Variants in TAFA1 observed in about 807,000 individuals in gnomAD.
TAFA1 encodes TAFA chemokine like family member 1.
TAFA1 carries 4 observed loss-of-function variants against 18.5 expected under a neutral mutation model. That is an observed-to-expected ratio of 0.22 (90% confidence interval 0.11 to 0.49). The LOEUF is 0.49. Ranked by LOEUF, TAFA1 falls within the 20% of genes least tolerant of loss-of-function variation. TAFA1 has a pLI of 0.98. For missense variants in TAFA1, 147 were observed against 169.0 expected, an observed-to-expected ratio of 0.87 and a Z score of 0.72; for synonymous variants, 56 against 55.2, an observed-to-expected ratio of 1.01 and a Z score of -0.06.
chr3:68,151,856 C>T (rs921000585), intron 2 of TAFA1, among the ~76,000 whole-genome samples: 14 of 152,174 alleles, frequency 9.2e-5, no homozygotes, highest in Non-Finnish European at 1.9e-4. Context: ...AAAACTTATA[C>T]ATTCTATGTC....
chr3:68,255,610 G>A (rs948718599), intron 2 of TAFA1, among the ~76,000 whole-genome samples: 1 of 152,124 alleles, frequency 6.6e-6, no homozygotes, highest in Admixed American at 6.6e-5. Context: ...AATGGCCACA[G>A]CATAGAGGAT....
chr3:68,127,648 CAGTG>C (rs1030140052), intron 2 of TAFA1, among the ~76,000 whole-genome samples: 4 of 740 alleles, frequency 5.4e-3, no homozygotes, highest in Non-Finnish European at 0.011. Flanking sequence ...ATGCTGATGA[CAGTG>C]GTGGTGGTGG....
chr3:68,159,595 A>C (rs957944069), intron 2 of TAFA1, among the ~76,000 whole-genome samples: 1 of 152,016 alleles, frequency 6.6e-6, no homozygotes, highest in African/African-American at 2.4e-5. Context: ...TGCAAATAAT[A>C]GCCTTTTACT....
At chr3:68,153,342 A>T (rs1482294576) in intron 2 of TAFA1, among the ~76,000 whole-genome samples, 1 of 152,210 alleles carries the variant, frequency 6.6e-6, no homozygotes, top group African/African-American at 2.4e-5. Flanking sequence ...TGTTTATGAC[A>T]GGTCACAGGA....
chr3:68,074,524 GAAAA>G (rs2064800447), intron 2 of TAFA1, among the ~76,000 whole-genome samples: 1 of 151,896 alleles, frequency 6.6e-6, no homozygotes, highest in Admixed American at 6.6e-5. Context: ...TAAAAAGAAG[GAAAA>G]CAAAAATGCC....
intron 2 of TAFA1, among the ~76,000 whole-genome samples, chr3:68,370,480 A>G (rs1265908080): frequency 0.024 from 801 of 32,704 alleles, 16 homozygotes; most frequent in African/African-American, 0.037. Flanking sequence ...GTGTATATAT[A>G]TATATATATA....
At chr3:68,012,015 C>G (rs2106779366) in intron 2 of TAFA1, among the ~76,000 whole-genome samples, 1 of 152,238 alleles carries the variant, frequency 6.6e-6, no homozygotes, top group African/African-American at 2.4e-5. Context: ...ACACTGCAAA[C>G]AAAAATATTT....
chr3:68,159,455 C>T (rs1434899220), intron 2 of TAFA1, among the ~76,000 whole-genome samples: 1 of 152,150 alleles, frequency 6.6e-6, no homozygotes, highest in Non-Finnish European at 1.5e-5. Context: ...TTATTAGCAA[C>T]ACTTTCTGTA....
At chr3:68,245,783 A>C (rs2067066127) in intron 2 of TAFA1, among the ~76,000 whole-genome samples, 1 of 152,228 alleles carries the variant, frequency 6.6e-6, no homozygotes, top group Non-Finnish European at 1.5e-5. Context: ...ATCACAAAGG[A>C]AATCAATGTT....
chr3:68,178,582 G>C (rs1266264132), intron 2 of TAFA1, among the ~76,000 whole-genome samples: 2 of 152,158 alleles, frequency 1.3e-5, no homozygotes, highest in Non-Finnish European at 2.9e-5. Context: ...TGACAAACAG[G>C]CTGGAAAAAA....
chr3:68,222,114 T>G (rs1051348453), intron 2 of TAFA1, among the ~76,000 whole-genome samples: 1 of 152,208 alleles, frequency 6.6e-6, no homozygotes, highest in Non-Finnish European at 1.5e-5. Flanking sequence ...CTTACTTATT[T>G]ATGATCATGG....
chr3:68,443,976 T>C (rs1046289148), intron 3 of TAFA1, among the ~76,000 whole-genome samples: 1 of 152,178 alleles, frequency 6.6e-6, no homozygotes, highest in Non-Finnish European at 1.5e-5. Flanking sequence ...GTGATCACCA[T>C]TTCCTAACAA....
chr3:68,068,937 A>G (rs994329122), intron 2 of TAFA1, among the ~76,000 whole-genome samples: 2 of 152,244 alleles, frequency 1.3e-5, no homozygotes, highest in African/African-American at 4.8e-5. Context: ...ACTCTAATAC[A>G]AAGGTTGTCA....
chr3:68,277,810 A>G lies in TAFA1; in HGVS notation c.119-139470A>G, dbSNP rs549009578. Among the ~76,000 whole-genome samples, 21 of 152,294 alleles carry G rather than the reference A, an allele frequency of 1.4e-4. 1 individual carries two copies. The highest frequency in any genetic ancestry group is 4.6e-4 in the African/African-American group (19 of 41,594). ...GCATTGAGGTCATCTTTCCATCCCCATTAAAAGGGGATGATAGACATTTTC... is the reference window on the plus strand; with the variant it reads ...GCATTGAGGTCATCTTTCCATCCCCGTTAAAAGGGGATGATAGACATTTTC... On this transcript the variant is annotated intron_variant, in intron 2 of 4. Transcript: ENST00000478136.
chr3:68,031,290 T>C (rs1424021165), intron 2 of TAFA1, among the ~76,000 whole-genome samples: 1 of 152,182 alleles, frequency 6.6e-6, no homozygotes, highest in Non-Finnish European at 1.5e-5. Flanking sequence ...TGAATTCATT[T>C]CCTTATGGGG....
chr3:68,155,289 G>A (rs1017484710), intron 2 of TAFA1, among the ~76,000 whole-genome samples: 2 of 152,264 alleles, frequency 1.3e-5, no homozygotes, highest in Non-Finnish European at 1.5e-5. Context: ...CTCAGTAGAA[G>A]GCTTGCCAAC....
intron 2 of TAFA1, among the ~76,000 whole-genome samples, chr3:68,365,480 C>G (rs6805785): frequency 0.12 from 17,508 of 152,004 alleles, 1,230 homozygotes; most frequent in East Asian, 0.26. Context: ...TCCAACACTA[C>G]AATGTATAAG....
chr3:68,496,164 C>T (rs1013276530), intron 3 of TAFA1, among the ~76,000 whole-genome samples: 3 of 152,064 alleles, frequency 2.0e-5, no homozygotes, highest in African/African-American at 4.8e-5. Context: ...TCAGCGTTAA[C>T]GAGAATCAGT....
chr3:68,235,379 C>G (rs746157067), intron 2 of TAFA1, among the ~76,000 whole-genome samples: 1 of 152,098 alleles, frequency 6.6e-6, no homozygotes. Context: ...TAACACCTAC[C>G]AGTTATAAAA....
Sources: gnomAD v4.1 joint callset for allele counts (sites outside exome capture counted in the v4.1 genomes callset) on GRCh38, gnomAD v4.1.1 for gene constraint, MANE v1.5 for transcripts, NCBI Gene and HGNC (gene_info 2026-07-23, HGNC 2026-07-21) for gene names.